RGS6: variants seen among roughly 807,000 people sequenced by gnomAD.
RGS6 encodes the protein regulator of G-protein signaling 6.
A neutral mutation model predicts 78.5 loss-of-function variants in RGS6; 30 were observed. That is an observed-to-expected ratio of 0.38 (90% CI 0.29 to 0.52). The LOEUF (loss-of-function observed/expected upper bound fraction) is 0.52. Ranked by LOEUF, RGS6 falls within the 20% of genes least tolerant of loss-of-function variation. The pLI is 0.85. For missense variants in RGS6, 495 were observed against 609.7 expected (o/e 0.81, Z 1.98); for synonymous variants, 206 against 206.0 (o/e 1.00, Z 0.00).
chr14:72,376,772 A>G (rs1012269226), intron 3 of RGS6, among the ~76,000 whole-genome samples: 1 of 152,202 alleles, frequency 6.6e-6, no homozygotes, highest in Non-Finnish European at 1.5e-5. Flanking sequence ...AAATTTTCGC[A>G]GACAAGCAAA....
the RGS6 span, among the ~76,000 whole-genome samples, chr14:71,911,248 C>T: frequency 2.6e-5 from 4 of 152,150 alleles, no homozygotes; most frequent in African/African-American, 7.2e-5. Flanking sequence ...TTAATTCCTA[C>T]GGGACTAGAG....
intron 13 of RGS6, among the ~76,000 whole-genome samples, chr14:72,505,040 T>G (rs989831535): frequency 4.0e-5 from 6 of 149,720 alleles, no homozygotes; most frequent in African/African-American, 1.5e-4. Flanking sequence ...CCTCACAAAG[T>G]GCTGGGATTA....
intron 10 of RGS6, among the ~76,000 whole-genome samples, chr14:72,475,016 A>C (rs1310254819): frequency 2.6e-5 from 1 of 38,662 alleles, no homozygotes; most frequent in South Asian, 7.8e-4. Context: ...CCAGACCTGG[A>C]GTGGGTGGGG....
At chr14:72,619,338 G>A in the RGS6 span, 2 of 1,536,186 alleles carry the variant, frequency 1.3e-6, no homozygotes, top group East Asian at 2.4e-5. Context: ...TCTTTGAGCA[G>A]TTCCCAGCAT....
At chr14:72,379,872 C>T (rs566254711) in intron 3 of RGS6, among the ~76,000 whole-genome samples, 75 of 152,004 alleles carry the variant, frequency 4.9e-4, no homozygotes, top group South Asian at 2.9e-3. Flanking sequence ...CAATCCTCAG[C>T]GAAAAGAACA....
chr14:72,357,245 C>G (rs1047116135), intron 3 of RGS6, among the ~76,000 whole-genome samples: 3 of 150,372 alleles, frequency 2.0e-5, no homozygotes, highest in African/African-American at 7.4e-5. Flanking sequence ...GCATTCCAGT[C>G]TGTGAGACCC....
chr14:72,354,437 C>A (rs1006976531), intron 3 of RGS6, among the ~76,000 whole-genome samples: 3 of 148,452 alleles, frequency 2.0e-5, no homozygotes, highest in Non-Finnish European at 4.4e-5. Flanking sequence ...AGCAGCCTGG[C>A]CAACATGGCA....
intron 2 of RGS6, among the ~76,000 whole-genome samples, chr14:72,242,999 C>A (rs777677005): frequency 6.6e-6 from 1 of 151,846 alleles, no homozygotes; most frequent in Non-Finnish European, 1.5e-5. Context: ...CAGGCGCGCG[C>A]CACCACACCT....
chr14:72,272,383 A>G (rs1201015364), intron 2 of RGS6, among the ~76,000 whole-genome samples: 2 of 152,154 alleles, frequency 1.3e-5, no homozygotes, highest in Non-Finnish European at 2.9e-5. Flanking sequence ...CTCTCCTTCA[A>G]ACAGACTACT....
intron 2 of RGS6, among the ~76,000 whole-genome samples, chr14:71,972,072 G>A (rs1233684637): frequency 2.6e-5 from 4 of 151,872 alleles, no homozygotes; most frequent in Non-Finnish European, 5.9e-5. Flanking sequence ...TTGTTACATA[G>A]GTATACATGT....
chr14:72,012,470 G>A (rs1410824227), intron 2 of RGS6, among the ~76,000 whole-genome samples: 1 of 152,052 alleles, frequency 6.6e-6, no homozygotes, highest in African/African-American at 2.4e-5. Flanking sequence ...CTTATTATAT[G>A]AACATATAAA....
chr14:71,897,706 C>T, the RGS6 span, among the ~76,000 whole-genome samples: 6 of 151,732 alleles, frequency 4.0e-5, no homozygotes, highest in East Asian at 1.9e-4. Flanking sequence ...TTTTTAGTAG[C>T]GATGGGGTTT....
intron 2 of RGS6, among the ~76,000 whole-genome samples, chr14:72,074,462 T>C (rs936457718): frequency 2.0e-5 from 3 of 152,206 alleles, no homozygotes; most frequent in Non-Finnish European, 4.4e-5. Flanking sequence ...CCTCCCAAAA[T>C]GTTGGGATTA....
At chr14:72,230,039 C>G (rs2049158331) in intron 2 of RGS6, among the ~76,000 whole-genome samples, 1 of 152,152 alleles carries the variant, frequency 6.6e-6, no homozygotes, top group Non-Finnish European at 1.5e-5. Flanking sequence ...AATGACTCAG[C>G]CTGAGCTCCT....
intron 3 of RGS6, among the ~76,000 whole-genome samples, chr14:72,381,942 G>A (rs2086244438): frequency 6.6e-6 from 1 of 151,982 alleles, no homozygotes; most frequent in African/African-American, 2.4e-5. Flanking sequence ...GTTTTAGACT[G>A]GTAAGAACAC....
At chr14:72,422,074 A>G (rs2094210894) in intron 3 of RGS6, among the ~76,000 whole-genome samples, 1 of 152,176 alleles carries the variant, frequency 6.6e-6, no homozygotes. Flanking sequence ...TGATGGTATC[A>G]TAATGGGGGG....
At chr14:72,307,855 C>T in intron 2 of RGS6, among the ~76,000 whole-genome samples, 1 of 152,136 alleles carries the variant, frequency 6.6e-6, no homozygotes, top group East Asian at 1.9e-4. Flanking sequence ...AAGACTGTGA[C>T]ATGCATGTTA....
chr14:72,383,058 A>G (rs978651684), intron 3 of RGS6, among the ~76,000 whole-genome samples: 7 of 151,534 alleles, frequency 4.6e-5, no homozygotes, highest in Admixed American at 4.6e-4. Flanking sequence ...TTATTATTTT[A>G]GAATACATCT....
At chr14:72,058,222 T>C (rs2093715640) in intron 2 of RGS6, among the ~76,000 whole-genome samples, 1 of 152,164 alleles carries the variant, frequency 6.6e-6, no homozygotes, top group African/African-American at 2.4e-5. Context: ...GCTAGAATAC[T>C]CATCTTCCAA....
Sources: allele counts gnomAD v4.1 joint callset (sites outside exome capture counted in the v4.1 genomes callset), GRCh38; gene constraint gnomAD v4.1.1; transcripts MANE v1.5; gene names NCBI Gene and HGNC (gene_info 2026-07-23, HGNC 2026-07-21).